The following INPP5A variants were observed in gnomAD, a reference collection of about 807,000 sequenced individuals.
The protein encoded by INPP5A is 43 kDa inositol polyphosphate 5-phophatase.
A neutral mutation model predicts 65.2 loss-of-function variants in INPP5A; 14 were observed. The ratio of observed to expected loss-of-function variants is 0.21; its 90% CI spans 0.14 to 0.34. The LOEUF (loss-of-function observed/expected upper bound fraction) is 0.34, where lower values mean the gene tolerates loss of function less well. Among genes scored for constraint, INPP5A ranks in the 10% least tolerant of loss-of-function variants. The pLI, the probability that INPP5A is intolerant of heterozygous loss-of-function variation, is 1.00. For synonymous variants in INPP5A, 207 were observed against 208.3 expected (o/e 0.99, Z 0.05); for missense variants, 431 against 545.6 (o/e 0.79, Z 2.09).
At chr10:132,755,445 A>G (rs1565001695) in intron 11 of INPP5A, among the ~76,000 whole-genome samples, 1 of 135,100 alleles carries the variant, frequency 7.4e-6, no homozygotes, top group Non-Finnish European at 1.6e-5. Flanking sequence ...TGTGTGCATG[A>G]GAGCAGGTGT....
chr10:132,654,480 G>A (rs2072624870), intron 4 of INPP5A, among the ~76,000 whole-genome samples: 1 of 152,208 alleles, frequency 6.6e-6, no homozygotes, highest in Admixed American at 6.5e-5. Context: ...ACCACTGGCT[G>A]CCTCAGTGGC....
At chr10:132,773,220 G>A (rs1189422019) in intron 12 of INPP5A, among the ~76,000 whole-genome samples, 2 of 152,202 alleles carry the variant, frequency 1.3e-5, no homozygotes, top group Non-Finnish European at 2.9e-5. Context: ...AAGTTCTATT[G>A]CTACCCGTCA....
rs1277725803 is a variant in INPP5A at position 132,777,945 on chromosome 10, T to TCA, written c.1089+163_1089+164insCA. The TCA allele has an allele frequency of 2.7e-6, 4 of 1,457,808 alleles. No individual in the cohort carries two copies. The African/African-American group carries it at 4.2e-5, about 15-fold the overall frequency. 90.3% of individuals were successfully genotyped at this position (1,457,808 alleles called of 1,614,324 possible). A position where few individuals can be genotyped will look rare whatever the true frequency, so the allele number is the denominator to read the frequency against. On this transcript the variant is annotated intron_variant, in intron 13 of 15. Transcript: ENST00000368594. ...TGCTGCCATGAGCTGCACCCCAGCA[T>TCA]TGGGTCACCTCTGAGCCAGCACCTG...
chr10:132,672,796 C>T (rs940861511), intron 4 of INPP5A, among the ~76,000 whole-genome samples: 13 of 152,178 alleles, frequency 8.5e-5, no homozygotes, highest in African/African-American at 3.1e-4. Flanking sequence ...GTGCGTTGGA[C>T]CCCACGCCTT....
At chr10:132,597,734 G>A (rs2071722575) in intron 1 of INPP5A, among the ~76,000 whole-genome samples, 1 of 151,760 alleles carries the variant, frequency 6.6e-6, no homozygotes, top group Admixed American at 6.6e-5. Flanking sequence ...CTGGGCCTGT[G>A]GTGCGTCCTG....
Position 132,548,652 on chromosome 10 carries a change from G to A in INPP5A, c.75+10481G>A, listed in dbSNP as rs372376402. Among the ~76,000 whole-genome samples the A allele has an allele frequency of 3.6e-3, 552 of 152,272 alleles. 3 individuals carry two copies. Among genetic ancestry groups the A allele is most frequent in the Non-Finnish European group, 4.9e-3 (333 of 68,032 alleles). On this transcript the variant is annotated intron_variant, in intron 1 of 15. Transcript: ENST00000368594. ...CTGGGCCACAACTGCTTTCTGTCCC[G>A]CCAGTTTCGCCTGCGCCGAGGGCAC...
At chr10:132,646,876 G>C (rs1308120147) in intron 3 of INPP5A, among the ~76,000 whole-genome samples, 1 of 152,212 alleles carries the variant, frequency 6.6e-6, no homozygotes, top group Non-Finnish European at 1.5e-5. Flanking sequence ...TCTGTGGGTC[G>C]ATGCAGCCAC....
chr10:132,601,197 A>C (rs1467418689), intron 1 of INPP5A, among the ~76,000 whole-genome samples: 1 of 152,062 alleles, frequency 6.6e-6, no homozygotes, highest in East Asian at 1.9e-4. Flanking sequence ...TATCCATCCT[A>C]ATGGGTGTGA....
intron 2 of INPP5A, among the ~76,000 whole-genome samples, chr10:132,610,215 C>T (rs982623454): frequency 6.6e-6 from 1 of 152,214 alleles, no homozygotes; most frequent in African/African-American, 2.4e-5. Flanking sequence ...GGCACGTGAG[C>T]CCCACCTGTG....
intron 4 of INPP5A, among the ~76,000 whole-genome samples, chr10:132,654,281 C>T (rs538491873): frequency 3.0e-4 from 46 of 152,376 alleles, no homozygotes; most frequent in African/African-American, 1.0e-3. Context: ...ATCTCTCCCA[C>T]AGCCACGGCC....
In INPP5A at chr10:132,782,688, A is replaced by AC. The variant is rs1171546094; in HGVS notation, c.*660dup. 1 of 152,294 alleles carries AC rather than the reference A, an allele frequency of 6.6e-6. No homozygotes were observed. The highest frequency in any genetic ancestry group is 1.5e-5 in the Non-Finnish European group (1 of 68,024). 9.4% of individuals were successfully genotyped at this position (152,294 alleles called of 1,614,324 possible). A position where few individuals can be genotyped will look rare whatever the true frequency, so the allele number is the denominator to read the frequency against. ...TAAATATACTTTCCAGTATGAACGC[A>AC]CAGGAGAGTCCCATCAGCAGGCGGC... is the stretch of plus-strand genomic sequence containing the variant. On this transcript the variant is annotated 3_prime_UTR_variant, in exon 16 of 16. Coordinates refer to ENST00000368594, the MANE Select transcript of INPP5A (RefSeq NM_005539.5). This position sits in a 1 kb window ranked among gnomAD's most constrained non-coding sequence, Gnocchi z 4.4.
intron 9 of INPP5A, among the ~76,000 whole-genome samples, chr10:132,746,982 C>T (rs1325606918): frequency 6.6e-6 from 1 of 152,210 alleles, no homozygotes; most frequent in Non-Finnish European, 1.5e-5. Flanking sequence ...CCGGCCCCTT[C>T]CTGGGCTCTG....
intron 8 of INPP5A, among the ~76,000 whole-genome samples, chr10:132,715,952 C>T (rs376579115): frequency 1.4e-4 from 22 of 152,334 alleles, no homozygotes; most frequent in East Asian, 1.4e-3. Flanking sequence ...TCTGCCGTTC[C>T]GCTGCCGTGA....
chr10:132,717,291 G>C (rs1324299211), intron 8 of INPP5A, among the ~76,000 whole-genome samples: 1 of 145,324 alleles, frequency 6.9e-6, no homozygotes, highest in Non-Finnish European at 1.5e-5. Flanking sequence ...CTAAAGGGTT[G>C]GGGCTCCGAG....
intron 8 of INPP5A, among the ~76,000 whole-genome samples, chr10:132,726,006 A>G (rs1012671903): frequency 4.6e-5 from 7 of 152,084 alleles, no homozygotes; most frequent in African/African-American, 1.7e-4. Flanking sequence ...AAAAGCAAGC[A>G]GTTCACGGCG....
chr10:132,730,908 G>A (rs1321183063), intron 9 of INPP5A, among the ~76,000 whole-genome samples: 1 of 152,216 alleles, frequency 6.6e-6, no homozygotes, highest in Non-Finnish European at 1.5e-5. Context: ...TGATAATTCA[G>A]ATCTGATAGA....
At position 132,550,332 on chromosome 10, in the gene INPP5A, T is replaced by G. The variant is rs996696629; in HGVS notation, c.75+12161T>G. ...TCTCAGGCCTCTGGCCAGTAGTCCC[T>G]GTCCTCTCCAGCGACCGCTCTCTCC... On this transcript the variant is annotated intron_variant, in intron 1 of 15. Coordinates refer to ENST00000368594, the MANE Select transcript of INPP5A (RefSeq NM_005539.5). This position sits in a 1 kb window ranked among gnomAD's most constrained non-coding sequence, Gnocchi z 4.2. 1.3e-5 allele frequency among the ~76,000 whole-genome samples: 2 copies of G among 152,196 alleles called. No homozygotes were observed. The highest frequency in any genetic ancestry group is 2.9e-5 in the Non-Finnish European group (2 of 68,024).
intron 9 of INPP5A, among the ~76,000 whole-genome samples, chr10:132,734,433 G>A (rs1300503460): frequency 6.6e-6 from 1 of 152,238 alleles, no homozygotes; most frequent in Non-Finnish European, 1.5e-5. Context: ...AGGAGGAATT[G>A]GAGCGTGCAG....
At chr10:132,646,953 G>A (rs756628156) in intron 3 of INPP5A, among the ~76,000 whole-genome samples, 10 of 152,296 alleles carry the variant, frequency 6.6e-5, no homozygotes, top group East Asian at 1.9e-4. Context: ...GAGTGTGAGC[G>A]AGGCTTCAGG....
Sources: allele counts gnomAD v4.1 joint callset (sites outside exome capture counted in the v4.1 genomes callset), GRCh38; gene constraint gnomAD v4.1.1; non-coding constraint Gnocchi (gnomAD v3.1); transcripts MANE v1.5; gene names NCBI Gene and HGNC (gene_info 2026-07-23, HGNC 2026-07-21).